Variants in COL4A1 observed in about 807,000 individuals in gnomAD.
COL4A1 encodes the protein collagen type IV alpha 1 chain.
Under a neutral mutation model 216.6 loss-of-function variants are expected in COL4A1, and 40 were observed. That is an observed-to-expected ratio of 0.18 (90% CI 0.14 to 0.24). The LOEUF (loss-of-function observed/expected upper bound fraction) is 0.24. Ranked by LOEUF, COL4A1 falls within the 10% of genes least tolerant of loss-of-function variation. COL4A1 has a pLI of 1.00. For missense variants in COL4A1, 1,628 were observed against 2,196.8 expected (o/e 0.74, Z 5.18); for synonymous variants, 839 against 810.7 (o/e 1.03, Z -0.59).
chr13:110,151,845 A>C (rs1876515126), intron 51 of COL4A1, among the ~76,000 whole-genome samples: 1 of 152,178 alleles, frequency 6.6e-6, no homozygotes, highest in Non-Finnish European at 1.5e-5. Flanking sequence ...AAAAGGAAGG[A>C]AGGGTCTTCC....
intron 1 of COL4A1, among the ~76,000 whole-genome samples, chr13:110,281,038 C>G (rs888032469): frequency 6.6e-6 from 1 of 152,108 alleles, no homozygotes; most frequent in East Asian, 1.9e-4. Flanking sequence ...TTTAGCCACT[C>G]GAGCATAAAA....
In COL4A1 at chr13:110,186,296, C is replaced by A; in HGVS notation, c.1897+89G>T. ...AGCCAAGTGTGCGCCCTGGCCTATG[C>A]GAACCCCAGGCCTCTGTGTGCACCC... On this transcript the variant is annotated intron_variant, in intron 26 of 51. Transcript: ENST00000375820. 2.6e-6 allele frequency: 4 copies of A among 1,528,614 alleles called. 1 individual carries two copies. In the South Asian group the frequency reaches 4.5e-5, roughly 17 times the overall value. 94.7% of individuals were successfully genotyped at this position (1,528,614 alleles called of 1,614,324 possible).
chr13:110,254,087 A>T (rs1178534852), intron 1 of COL4A1, among the ~76,000 whole-genome samples: 1 of 152,114 alleles, frequency 6.6e-6, no homozygotes, highest in African/African-American at 2.4e-5. Flanking sequence ...CCTTTACTGC[A>T]CTCAGCCTTC....
chr13:110,224,173 C>T lies in COL4A1; in HGVS notation c.145-10158G>A, dbSNP rs75509115. On this transcript the variant is annotated intron_variant, in intron 2 of 51. Transcript: ENST00000375820. The stretch of plus-strand genomic sequence containing the variant: ...CGCCTCTGCTCACCAGCACAACCGT[C>T]TTTTTTTTTGAAGTTCCATGAAATT... 5.6e-3 allele frequency among the ~76,000 whole-genome samples: 852 copies of T among 151,506 alleles called. 8 individuals carry two copies. The highest frequency in any genetic ancestry group is 0.018 in the African/African-American group (744 of 41,314).
In COL4A1 at chr13:110,206,910, C is replaced by A; in HGVS notation, c.781-19G>T. ...TTTGGCCCTGAAAGAATTCGAGAGA[C>A]AGATCAGCACTATCAAACAGCTGTA... On this transcript the variant is annotated intron_variant, in intron 13 of 51. Coordinates refer to ENST00000375820, the MANE Select transcript of COL4A1 (RefSeq NM_001845.6). The A allele has an allele frequency of 6.2e-7, 1 of 1,613,020 alleles. No individual in the cohort carries two copies. The highest frequency in any genetic ancestry group is 8.5e-7 in the Non-Finnish European group (1 of 1,179,732).
At chr13:110,264,949 G>A (rs1356346825) in intron 1 of COL4A1, among the ~76,000 whole-genome samples, 1 of 152,230 alleles carries the variant, frequency 6.6e-6, no homozygotes, top group Non-Finnish European at 1.5e-5. Context: ...CTCTCACTGT[G>A]TCTTAAGAGG....
intron 1 of COL4A1, among the ~76,000 whole-genome samples, chr13:110,280,795 T>A (rs564624622): frequency 6.6e-6 from 1 of 152,380 alleles, no homozygotes; most frequent in South Asian, 2.1e-4. Flanking sequence ...GAATTTTCTT[T>A]CTTTTTTCAA....
At chr13:110,156,862 TTG>T (rs1012683986) in intron 49 of COL4A1, among the ~76,000 whole-genome samples, 1 of 152,134 alleles carries the variant, frequency 6.6e-6, no homozygotes, top group Non-Finnish European at 1.5e-5. Flanking sequence ...TTCCATGGAC[TTG>T]TGTGTGTGTC....
chr13:110,283,292 A>G (rs1419235587), intron 1 of COL4A1, among the ~76,000 whole-genome samples: 4 of 152,244 alleles, frequency 2.6e-5, no homozygotes, highest in Non-Finnish European at 5.9e-5. Flanking sequence ...AGACTAGAAA[A>G]TTTTATGTCA....
chr13:110,191,962 C>T (rs972428311), intron 24 of COL4A1, among the ~76,000 whole-genome samples: 1 of 152,142 alleles, frequency 6.6e-6, no homozygotes, highest in Non-Finnish European at 1.5e-5. Context: ...GAACACAGGT[C>T]GGCAGCAGCC....
chr13:110,155,769 G>A (rs1014245845), intron 49 of COL4A1, among the ~76,000 whole-genome samples: 9 of 152,134 alleles, frequency 5.9e-5, no homozygotes, highest in East Asian at 1.9e-4. Context: ...AAAATTAGCT[G>A]GGTGTGGTGG....
chr13:110,266,563 C>G (rs188637106), intron 1 of COL4A1, among the ~76,000 whole-genome samples: 3 of 152,122 alleles, frequency 2.0e-5, no homozygotes, highest in South Asian at 2.1e-4. Flanking sequence ...CAGTATACGT[C>G]GCGGAGACCA....
chr13:110,186,303 CA>C, intron 26 of COL4A1, 81 bp downstream of exon 26: 22 of 1,572,192 alleles, frequency 1.4e-5, no homozygotes, highest in Non-Finnish European at 1.7e-5. Context: ...ATGCGAACCC[CA>C]GGCCTCTGTG....
chr13:110,178,937 G>T lies in COL4A1; in HGVS notation c.2444C>A (p.Pro815Gln). The change falls in exon 31 of 52, where the codon CCA becomes CAA. Residue 815 changes from proline (P) to glutamine (Q), a missense_variant. Coordinates refer to ENST00000375820, the MANE Select transcript of COL4A1 (RefSeq NM_001845.6). Reference protein sequence around the residue: ...GARGPPGGQGPPGLSGPPGIK... With the variant: ...GARGPPGGQGQPGLSGPPGIK... Reference sequence around the variant, plus strand: ...ATGTCACTCACCTGACAACCCCGGTGGTCCCTGTCCTCCAGGGGGACCCCT... The same window carrying T: ...ATGTCACTCACCTGACAACCCCGGTTGTCCCTGTCCTCCAGGGGGACCCCT... 6.2e-6 allele frequency: 10 copies of T among 1,611,366 alleles called. No homozygotes were observed. The highest frequency in any genetic ancestry group is 8.5e-6 in the Non-Finnish European group (10 of 1,179,048).
chr13:110,246,038 C>A (rs1357436299), intron 1 of COL4A1, among the ~76,000 whole-genome samples: 1 of 151,430 alleles, frequency 6.6e-6, no homozygotes, highest in Admixed American at 6.6e-5. Flanking sequence ...TTGATCATTC[C>A]AAAAATATCT....
intron 20 of COL4A1, among the ~76,000 whole-genome samples, chr13:110,200,007 A>C (rs1180253649): frequency 6.6e-6 from 1 of 152,202 alleles, no homozygotes; most frequent in Non-Finnish European, 1.5e-5. Flanking sequence ...CAATAAAGGA[A>C]AAAAGGGGGC....
At chr13:110,248,278 G>A (rs997474833) in intron 1 of COL4A1, among the ~76,000 whole-genome samples, 3 of 152,184 alleles carry the variant, frequency 2.0e-5, no homozygotes, top group African/African-American at 7.2e-5. Flanking sequence ...TTAAGAGTAC[G>A]CAGCAAGCGC....
intron 22 of COL4A1, 24 bp from the exon 23 acceptor site, chr13:110,192,937 C>A: frequency 6.2e-7 from 1 of 1,607,330 alleles, no homozygotes; most frequent in Non-Finnish European, 8.5e-7. Flanking sequence ...CACAAAGGTG[C>A]TTACGTGTAA....
chr13:110,155,255 G>A (rs1363171269), intron 50 of COL4A1, 28 bp downstream of exon 50: 1 of 1,560,294 alleles, frequency 6.4e-7, no homozygotes, highest in Admixed American at 1.7e-5. Flanking sequence ...CTCTTCCCGG[G>A]AAATATGGCG....
Sources: allele counts gnomAD v4.1 joint callset (sites outside exome capture counted in the v4.1 genomes callset), GRCh38; gene constraint gnomAD v4.1.1; transcripts MANE v1.5; gene names NCBI Gene and HGNC (gene_info 2026-07-23, HGNC 2026-07-21).